The following CDC42EP3 variants were observed in gnomAD, a reference collection of about 807,000 sequenced individuals.
CDC42EP3 encodes the protein CDC42 effector protein 3.
A neutral mutation model predicts 15.5 loss-of-function variants in CDC42EP3; 4 were observed. The observed-to-expected ratio is 0.26, with a 90% CI of 0.13 to 0.59. The LOEUF is 0.59. Ranked by LOEUF, CDC42EP3 falls within the 20% of genes least tolerant of loss-of-function variation. CDC42EP3 has a pLI of 0.89. For missense variants in CDC42EP3, 309 were observed against 311.2 expected (o/e 0.99, Z 0.05); for synonymous variants, 145 against 130.3 (o/e 1.11, Z -0.77).
chr2:37,672,760 C>T (rs773202793), upstream of CDC42EP3, among the ~76,000 whole-genome samples: 15 of 152,194 alleles, frequency 9.9e-5, no homozygotes, highest in Non-Finnish European at 1.6e-4. Flanking sequence ...CGCTGGGGGC[C>T]TGGCCTCTGC....
chr2:37,646,181 C>A lies in CDC42EP3; in HGVS notation c.407G>T (p.Gly136Val). Reference protein sequence around the residue: ...VTFNSKQESFGPAKLPRLSCE... With the variant: ...VTFNSKQESFVPAKLPRLSCE... ...GCTAAGCCTGGGCAGCTTTGCTGGC[C>A]CGAAGGACTCCTGTTTGGAATTAAA... Residue 136 changes from glycine (G) to valine (V), a missense_variant, in exon 2 of 2, where the codon GGG (glycine) becomes GTG (valine). Physicochemically the swap from Gly to Val is moderately radical, Grantham distance 109. Transcript: ENST00000295324. 9.9e-6 allele frequency: 16 copies of A among 1,614,116 alleles called. No homozygotes were observed. The highest frequency in any genetic ancestry group is 1.1e-5 in the Non-Finnish European group (13 of 1,180,020).
At chr2:37,671,823 G>GGTT (rs1558346273), upstream of CDC42EP3, 1 of 142,916 alleles carries the variant, frequency 7.0e-6, no homozygotes, top group Non-Finnish European at 1.6e-5. Context: ...GCGCGCGCGG[G>GGTT]GGGGGGTCAC....
intron 1 of CDC42EP3, among the ~76,000 whole-genome samples, chr2:37,649,485 C>T (rs1436467234): frequency 2.3e-5 from 3 of 131,602 alleles, no homozygotes; most frequent in African/African-American, 8.3e-5. Context: ...AAAAAAAATC[C>T]CATGAAAATG....
At chr2:37,662,949 G>A (rs1476482190) in intron 1 of CDC42EP3, among the ~76,000 whole-genome samples, 1 of 152,234 alleles carries the variant, frequency 6.6e-6, no homozygotes, top group Non-Finnish European at 1.5e-5. Context: ...CGGATCGCCT[G>A]AGGTTAGGAG....
chr2:37,669,748 G>T (rs992952337), intron 1 of CDC42EP3, among the ~76,000 whole-genome samples: 3 of 152,226 alleles, frequency 2.0e-5, no homozygotes, highest in Non-Finnish European at 4.4e-5. Context: ...TTATCTGTGA[G>T]CCCAGAGGCT....
chr2:37,666,745 C>T (rs527744018), intron 1 of CDC42EP3, among the ~76,000 whole-genome samples: 2 of 151,544 alleles, frequency 1.3e-5, no homozygotes, highest in African/African-American at 4.8e-5. Context: ...ACCAGAGGTA[C>T]TGTCAAATTC....
rs114682012 is a variant in CDC42EP3, at chr2:37,661,508, T to C, written c.-236+9918A>G. ...TGGCTAACTGGGGTCCAGAATTACC[T>C]GGACCGAGAGCCGGGGCTGGATGAA... On this transcript the variant is annotated intron_variant, in intron 1 of 1. Coordinates refer to ENST00000295324, the MANE Select transcript of CDC42EP3 (RefSeq NM_006449.5). 4.4e-3 allele frequency among the ~76,000 whole-genome samples: 667 copies of C among 152,316 alleles called. 4 individuals carry two copies. The highest frequency in any genetic ancestry group is 0.015 in the African/African-American group (640 of 41,564).
chr2:37,650,025 T>C (rs916280429), intron 1 of CDC42EP3, among the ~76,000 whole-genome samples: 1 of 149,110 alleles, frequency 6.7e-6, no homozygotes, highest in Admixed American at 6.7e-5. Context: ...GAATTGCCAA[T>C]CCTAACAGCT....
rs562305794 is a variant in CDC42EP3, at chr2:37,645,517, T to G, written c.*306A>C. ...GACTCGCTCAGCCCTTCATAGCTAG[T>G]GCCAATCCTGGCCAAGCCAGATTTC... On this transcript the variant is annotated 3_prime_UTR_variant, in exon 2 of 2. Transcript: ENST00000295324. 1 of 234,096 alleles carries G rather than the reference T, an allele frequency of 4.3e-6. No homozygotes were observed. Among genetic ancestry groups the G allele is most frequent in the South Asian group, 1.2e-4 (1 of 8,694 alleles). The allele number at this position is 234,096 out of a possible 1,614,324, so 14.5% of individuals were successfully genotyped here.
chr2:37,657,470 A>G (rs1665905246), intron 1 of CDC42EP3, among the ~76,000 whole-genome samples: 1 of 152,202 alleles, frequency 6.6e-6, no homozygotes, highest in Non-Finnish European at 1.5e-5. Flanking sequence ...AGGGCTATAC[A>G]TGAGTGTTCC....
intron 1 of CDC42EP3, among the ~76,000 whole-genome samples, chr2:37,657,608 G>A (rs562548810): frequency 2.1e-4 from 32 of 152,154 alleles, no homozygotes; most frequent in Non-Finnish European, 4.4e-4. Context: ...CATCCCTTAA[G>A]TCAAGGGTCT....
At chr2:37,664,172 TCAAAACAAAA>T (rs570024068) in intron 1 of CDC42EP3, among the ~76,000 whole-genome samples, 1 of 151,960 alleles carries the variant, frequency 6.6e-6, no homozygotes, top group Non-Finnish European at 1.5e-5. Flanking sequence ...AGACTCCATC[TCAAAACAAAA>T]CAAAACAAAA....
At chr2:37,655,523 G>C (rs963119453) in intron 1 of CDC42EP3, among the ~76,000 whole-genome samples, 1 of 152,132 alleles carries the variant, frequency 6.6e-6, no homozygotes, top group Non-Finnish European at 1.5e-5. Flanking sequence ...TGAGTTACTG[G>C]GGAAGACTCA....
chr2:37,642,791 T>C lies in CDC42EP3; in HGVS notation c.*3032A>G, dbSNP rs1281041442. The C allele has an allele frequency of 6.6e-6, 1 of 152,210 alleles. No homozygotes were observed. The highest frequency in any genetic ancestry group is 2.1e-4 in the South Asian group (1 of 4,830). The allele number at this position is 152,210 out of a possible 1,614,324, so 9.4% of individuals were successfully genotyped here. A position where few individuals can be genotyped will look rare whatever the true frequency, so the allele number is the denominator to read the frequency against. ...AAAAAACAGGTCACTTGCAGTAATA[T>C]AGAAGGACTAAACTGTGATTCTGGA... On this transcript the variant is annotated 3_prime_UTR_variant, in exon 2 of 2. Coordinates refer to ENST00000295324, the MANE Select transcript of CDC42EP3 (RefSeq NM_006449.5).
intron 1 of CDC42EP3, among the ~76,000 whole-genome samples, chr2:37,662,470 C>T (rs4670750): frequency 0.83 from 125,642 of 152,208 alleles, 52,482 homozygotes; most frequent in Non-Finnish European, 0.88. Flanking sequence ...GGGATCTGGC[C>T]ACCTAAACTG....
intron 1 of CDC42EP3, among the ~76,000 whole-genome samples, chr2:37,669,233 T>TAAAA (rs577020049): frequency 0.01 from 1,226 of 121,320 alleles, 23 homozygotes; most frequent in African/African-American, 0.036. Context: ...ATGGCCTGGC[T>TAAAA]AAAAAAAAAA....
At chr2:37,647,905 G>A (rs1665528199) in intron 1 of CDC42EP3, among the ~76,000 whole-genome samples, 1 of 152,004 alleles carries the variant, frequency 6.6e-6, no homozygotes, top group Non-Finnish European at 1.5e-5. Flanking sequence ...TTCCCCAGTT[G>A]AGCCTCTGAT....
rs1665364032 is a variant in CDC42EP3, at chr2:37,644,141, T to G, written c.*1682A>C. The G allele has an allele frequency of 6.6e-6, 1 of 152,198 alleles. No homozygotes were observed. The highest frequency in any genetic ancestry group is 2.4e-5 in the African/African-American group (1 of 41,448). 9.4% of individuals were successfully genotyped at this position (152,198 alleles called of 1,614,324 possible). A position where few individuals can be genotyped will look rare whatever the true frequency, so the allele number is the denominator to read the frequency against. On this transcript the variant is annotated 3_prime_UTR_variant, in exon 2 of 2. Coordinates refer to ENST00000295324, the MANE Select transcript of CDC42EP3 (RefSeq NM_006449.5). ...GCCTAGGGGAACTTGTTTCGTCTAC[T>G]TGGTTAGTTGTCCTAATTGCATTTT...
intron 1 of CDC42EP3, among the ~76,000 whole-genome samples, chr2:37,670,709 A>C (rs74207065): frequency 0.11 from 16,501 of 152,052 alleles, 1,569 homozygotes; most frequent in East Asian, 0.47. Flanking sequence ...GATCCTGCCC[A>C]AAAATATGCT....
Sources: allele counts gnomAD v4.1 joint callset (sites outside exome capture counted in the v4.1 genomes callset), GRCh38; gene constraint gnomAD v4.1.1; transcripts MANE v1.5; gene names NCBI Gene and HGNC (gene_info 2026-07-23, HGNC 2026-07-21).